Variants in BMPR1B observed in about 807,000 individuals in gnomAD.
BMPR1B encodes the protein bone morphogenetic protein receptor type-1B.
BMPR1B carries 12 observed loss-of-function variants against 59.1 expected under a neutral mutation model. That is an observed-to-expected ratio of 0.20 (90% CI 0.13 to 0.33). The LOEUF (loss-of-function observed/expected upper bound fraction) is 0.33, where lower values mean the gene tolerates loss of function less well. BMPR1B is among the 10% of genes least tolerant of loss of function. The pLI is 1.00. For synonymous variants in BMPR1B, 237 were observed against 207.3 expected (o/e 1.14, Z -1.23); for missense variants, 550 against 610.9 (o/e 0.90, Z 1.05).
chr4:95,030,724 TA>T (rs992539476), intron 3 of BMPR1B, among the ~76,000 whole-genome samples: 8 of 152,088 alleles, frequency 5.3e-5, no homozygotes, highest in Admixed American at 3.3e-4. Flanking sequence ...TATACACCAA[TA>T]ACAGACAAAC....
chr4:94,761,532 G>C (rs1176288987), intron 1 of BMPR1B, among the ~76,000 whole-genome samples: 1 of 151,756 alleles, frequency 6.6e-6, no homozygotes, highest in Non-Finnish European at 1.5e-5. Context: ...GTTTTCTTCA[G>C]AGACTACCAG....
At chr4:95,083,447 CTT>C (rs1729330624) in intron 3 of BMPR1B, among the ~76,000 whole-genome samples, 1 of 151,944 alleles carries the variant, frequency 6.6e-6, no homozygotes, top group Non-Finnish European at 1.5e-5. Flanking sequence ...TTTTTCAAAC[CTT>C]AGAAGCTCAA....
chr4:94,799,844 T>C (rs35288991), intron 1 of BMPR1B, among the ~76,000 whole-genome samples: 47,930 of 151,472 alleles, frequency 0.32, 8,164 homozygotes, highest in African/African-American at 0.44. Context: ...GTGTGTACCA[T>C]CACACTCGGC....
chr4:94,798,487 A>G (rs188331452), intron 1 of BMPR1B, among the ~76,000 whole-genome samples: 1 of 152,286 alleles, frequency 6.6e-6, no homozygotes, highest in East Asian at 1.9e-4. Context: ...AGTTTCACTT[A>G]AGACCACCAC....
intron 2 of BMPR1B, among the ~76,000 whole-genome samples, chr4:94,936,916 T>C (rs1249402627): frequency 6.6e-6 from 1 of 152,076 alleles, no homozygotes; most frequent in African/African-American, 2.4e-5. Flanking sequence ...TTCATTTTTT[T>C]CCCCTTCCAA....
At chr4:95,016,294 C>A (rs1200708179) in intron 3 of BMPR1B, among the ~76,000 whole-genome samples, 1 of 151,900 alleles carries the variant, frequency 6.6e-6, no homozygotes. Context: ...AAATGTGTTA[C>A]CATTTGAAAG....
At chr4:94,783,837 C>T (rs28712832) in intron 1 of BMPR1B, among the ~76,000 whole-genome samples, 14 of 152,200 alleles carry the variant, frequency 9.2e-5, no homozygotes, top group African/African-American at 2.6e-4. Flanking sequence ...GGAATGTAGC[C>T]GTTGTAGTTT....
At chr4:94,815,050 C>T (rs974756406) in intron 1 of BMPR1B, among the ~76,000 whole-genome samples, 1 of 152,002 alleles carries the variant, frequency 6.6e-6, no homozygotes, top group Non-Finnish European at 1.5e-5. Flanking sequence ...ATTACAGGCA[C>T]CTGCCACCAC....
chr4:95,043,800 G>A lies in BMPR1B; in HGVS notation c.-18+47666G>A, dbSNP rs371843640. Among the ~76,000 whole-genome samples, 5 of 152,082 alleles carry A rather than the reference G, an allele frequency of 3.3e-5. No individual in the cohort carries two copies. The East Asian group carries it at 5.8e-4, about 18-fold the overall frequency. ...ATTCCTGGAATGAGCTGTGGGGAGGGGCAACAATAAAACACAAACATTAGA... is the reference window on the plus strand; with the variant it reads ...ATTCCTGGAATGAGCTGTGGGGAGGAGCAACAATAAAACACAAACATTAGA... On this transcript the variant is annotated intron_variant, in intron 3 of 12. Transcript: ENST00000515059.
At chr4:94,934,066 C>T (rs1248003511) in intron 2 of BMPR1B, among the ~76,000 whole-genome samples, 1 of 152,138 alleles carries the variant, frequency 6.6e-6, no homozygotes, top group African/African-American at 2.4e-5. Context: ...TAGTCTCTTT[C>T]TCTGTGCATA....
At chr4:94,815,936 C>G (rs1359112702) in intron 1 of BMPR1B, among the ~76,000 whole-genome samples, 1 of 152,086 alleles carries the variant, frequency 6.6e-6, no homozygotes, top group African/African-American at 2.4e-5. Context: ...ATTGTCATTT[C>G]AGAGATCTTA....
chr4:94,881,764 C>T (rs1726983443), intron 2 of BMPR1B, among the ~76,000 whole-genome samples: 1 of 152,148 alleles, frequency 6.6e-6, no homozygotes, highest in Non-Finnish European at 1.5e-5. Flanking sequence ...TGCACCTGGC[C>T]TAATATTTCG....
At chr4:95,071,652 G>GTGTATATATATATATATATATA (rs59539011) in intron 3 of BMPR1B, among the ~76,000 whole-genome samples, 7 of 84,340 alleles carry the variant, frequency 8.3e-5, no homozygotes, top group Non-Finnish European at 1.5e-4. Context: ...GTGTGTGTGT[G>GTGTATATATATATATATATATA]TATATATATA....
intron 3 of BMPR1B, among the ~76,000 whole-genome samples, chr4:95,012,897 G>T (rs957617318): frequency 3.3e-5 from 5 of 152,082 alleles, no homozygotes; most frequent in South Asian, 2.1e-4. Context: ...CACAGTTTGG[G>T]TTAGTAATTC....
rs115298519 is a variant in BMPR1B, at chr4:94,907,411, A to G, written c.-113+31511A>G. Among the ~76,000 whole-genome samples, 867 of 152,152 alleles carry G rather than the reference A, an allele frequency of 5.7e-3. 7 individuals carry two copies. The highest frequency in any genetic ancestry group is 0.02 in the African/African-American group (817 of 41,556). ...TTTTGAAGAGTTCATTAAACAGGCA[A>G]TATTTATTTGGTTGTCTGTTCTATG... On this transcript the variant is annotated intron_variant, in intron 2 of 12. Coordinates refer to ENST00000515059, the MANE Select transcript of BMPR1B (RefSeq NM_001203.3).
At chr4:95,046,586 C>T (rs1031257665) in intron 3 of BMPR1B, among the ~76,000 whole-genome samples, 1 of 152,072 alleles carries the variant, frequency 6.6e-6, no homozygotes, top group East Asian at 1.9e-4. Context: ...GCAAAGACTC[C>T]GTAAATCTAG....
At chr4:94,930,268 T>C (rs1284140742) in intron 2 of BMPR1B, among the ~76,000 whole-genome samples, 1 of 152,122 alleles carries the variant, frequency 6.6e-6, no homozygotes, top group Non-Finnish European at 1.5e-5. Context: ...CCCTTGAATA[T>C]ATGGCATTGC....
rs149683609 is a variant in BMPR1B, at chr4:95,000,607, G to A, written c.-18+4473G>A. Among the ~76,000 whole-genome samples, 302 of 152,108 alleles carry A rather than the reference G, an allele frequency of 2.0e-3. 2 individuals carry two copies. Among genetic ancestry groups the A allele is most frequent in the African/African-American group, 6.8e-3 (284 of 41,506 alleles). ...TATGGATTTTATAGATCTCAGTGGCGTATCAAATAATATAAATATTATATG... is the reference window on the plus strand; with the variant it reads ...TATGGATTTTATAGATCTCAGTGGCATATCAAATAATATAAATATTATATG... On this transcript the variant is annotated intron_variant, in intron 3 of 12. Transcript: ENST00000515059.
At chr4:95,144,282 C>T (rs993074995) in intron 10 of BMPR1B, among the ~76,000 whole-genome samples, 6 of 152,118 alleles carry the variant, frequency 3.9e-5, no homozygotes, top group Non-Finnish European at 8.8e-5. Context: ...TCAAGTGATC[C>T]TCCTGCTTCA....
Sources: allele counts gnomAD v4.1 joint callset (sites outside exome capture counted in the v4.1 genomes callset), GRCh38; gene constraint gnomAD v4.1.1; transcripts MANE v1.5; gene names NCBI Gene and HGNC (gene_info 2026-07-23, HGNC 2026-07-21).